The following GPC5 variants were observed in gnomAD, a reference collection of about 807,000 sequenced individuals.
The protein encoded by GPC5 is glypican 5, also known as glypican-5.
In GPC5, 47 loss-of-function variants were observed where a neutral mutation model predicts 53.9. The ratio of observed to expected loss-of-function variants is 0.87; its 90% CI spans 0.69 to 1.11. The LOEUF (loss-of-function observed/expected upper bound fraction) is 1.11, where lower values mean the gene tolerates loss of function less well. Among genes scored for constraint, GPC5 ranks in the 50% most tolerant of loss-of-function variants. GPC5 has a pLI of 0.00. For missense variants in GPC5, 748 were observed against 713.1 expected, an observed-to-expected ratio of 1.05 and a Z score of -0.56; for synonymous variants, 286 against 263.3, an observed-to-expected ratio of 1.09 and a Z score of -0.84.
intron 7 of GPC5, among the ~76,000 whole-genome samples, chr13:92,332,348 A>G: frequency 6.6e-6 from 1 of 152,122 alleles, no homozygotes. Context: ...TCTGTTTTTT[A>G]CCTACAAGTG....
chr13:91,485,541 C>T (rs1346824241), intron 2 of GPC5, among the ~76,000 whole-genome samples: 1 of 151,994 alleles, frequency 6.6e-6, no homozygotes, highest in African/African-American at 2.4e-5. Flanking sequence ...TTTATATATT[C>T]TTTTTAAACA....
chr13:92,642,096 T>C (rs550392022), intron 7 of GPC5, among the ~76,000 whole-genome samples: 136 of 152,254 alleles, frequency 8.9e-4, no homozygotes, highest in Non-Finnish European at 1.6e-3. Context: ...GGGATTGTAA[T>C]ATAATGTAGG....
chr13:91,628,128 G>A (rs952077809), intron 2 of GPC5, among the ~76,000 whole-genome samples: 1 of 152,044 alleles, frequency 6.6e-6, no homozygotes. Context: ...ATTTGTTTTG[G>A]TGTTAATGTT....
intron 6 of GPC5, among the ~76,000 whole-genome samples, chr13:91,923,844 C>G (rs969326726): frequency 1.3e-5 from 2 of 152,004 alleles, no homozygotes; most frequent in African/African-American, 2.4e-5. Context: ...TTTCTCTTAG[C>G]CTTATAAAAG....
At chr13:91,501,666 T>C (rs1884645297) in intron 2 of GPC5, among the ~76,000 whole-genome samples, 1 of 152,228 alleles carries the variant, frequency 6.6e-6, no homozygotes. Context: ...TTGGGTTGGT[T>C]CCAAGTCTTT....
intron 2 of GPC5, among the ~76,000 whole-genome samples, chr13:91,551,707 G>T (rs1566497542): frequency 6.6e-6 from 1 of 152,006 alleles, no homozygotes; most frequent in Non-Finnish European, 1.5e-5. Flanking sequence ...TGTTTGTTCT[G>T]CAGAGACATC....
chr13:92,482,932 C>T (rs1199776865), intron 7 of GPC5, among the ~76,000 whole-genome samples: 1 of 152,100 alleles, frequency 6.6e-6, no homozygotes, highest in Non-Finnish European at 1.5e-5. Context: ...TTAATGGACT[C>T]CCAGTTCCAC....
At chr13:92,290,889 G>A (rs1485328183) in intron 7 of GPC5, among the ~76,000 whole-genome samples, 2 of 152,144 alleles carry the variant, frequency 1.3e-5, no homozygotes, top group Non-Finnish European at 2.9e-5. Context: ...GGTGTGGAGG[G>A]AGAGGCGCTG....
intron 6 of GPC5, among the ~76,000 whole-genome samples, chr13:92,011,109 A>G (rs2040657538): frequency 6.6e-6 from 1 of 152,200 alleles, no homozygotes. Flanking sequence ...ATATGTGTAG[A>G]TAACTATATA....
intron 7 of GPC5, among the ~76,000 whole-genome samples, chr13:92,557,963 A>G (rs924293367): frequency 6.6e-6 from 1 of 152,012 alleles, no homozygotes; most frequent in Non-Finnish European, 1.5e-5. Context: ...GAGAAATTAA[A>G]TTACATTCTA....
Position 91,571,822 on chromosome 13 carries a change from T to TGTGTACACACAC in GPC5, c.326-121365_326-121364insGTGTACACACAC, listed in dbSNP as rs2031820745. ...ATATATACACACACATACGTGTGTG[T>TGTGTACACACAC]ATATATACACATATACTTGTGTGTA... is the stretch of plus-strand genomic sequence containing the variant. On this transcript the variant is annotated intron_variant, in intron 2 of 7. Coordinates refer to ENST00000377067, the MANE Select transcript of GPC5 (RefSeq NM_004466.6). Among the ~76,000 whole-genome samples the TGTGTACACACAC allele has an allele frequency of 1.8e-4, 17 of 94,836 alleles. 1 individual carries two copies. Among genetic ancestry groups the TGTGTACACACAC allele is most frequent in the Admixed American group, 1.6e-3 (17 of 10,476 alleles). 62.2% of individuals were successfully genotyped at this position (94,836 alleles called of 152,430 possible). A position where few individuals can be genotyped will look rare whatever the true frequency, so the allele number is the denominator to read the frequency against.
rs1456508077 is a variant in GPC5, at chr13:92,430,443, A to G, written c.1561+285454A>G. Among the ~76,000 whole-genome samples the G allele has an allele frequency of 2.6e-5, 4 of 152,262 alleles. No individual in the cohort carries two copies. In the East Asian group the frequency reaches 5.8e-4, roughly 22 times the overall value. ...GCAGTAACGAAACTCTTCAGAGTCA[A>G]TCTCAATGAAGTTATTTGAGAATTA... On this transcript the variant is annotated intron_variant, in intron 7 of 7. Transcript: ENST00000377067.
chr13:92,613,432 A>C (rs1264744048), intron 7 of GPC5, among the ~76,000 whole-genome samples: 1 of 11,854 alleles, frequency 8.4e-5, no homozygotes, highest in African/African-American at 2.3e-4. Context: ...ATATATATTT[A>C]TATATAAATA....
chr13:91,963,289 A>G (rs2040143761), intron 6 of GPC5, among the ~76,000 whole-genome samples: 2 of 152,174 alleles, frequency 1.3e-5, no homozygotes, highest in Non-Finnish European at 2.9e-5. Context: ...AAGCAAGGTG[A>G]CAAAGTTTAG....
intron 7 of GPC5, among the ~76,000 whole-genome samples, chr13:92,187,515 A>G (rs1311962112): frequency 2.6e-5 from 4 of 152,168 alleles, no homozygotes; most frequent in Non-Finnish European, 5.9e-5. Context: ...CTGTATTTCC[A>G]TACTGGATTC....
intron 2 of GPC5, among the ~76,000 whole-genome samples, chr13:91,490,217 G>A (rs138292603): frequency 3.9e-5 from 6 of 152,242 alleles, no homozygotes; most frequent in South Asian, 2.1e-4. Flanking sequence ...GATGATGGAT[G>A]GAAATAGAAT....
At chr13:91,956,837 A>C (rs1210123113) in intron 6 of GPC5, among the ~76,000 whole-genome samples, 1 of 152,200 alleles carries the variant, frequency 6.6e-6, no homozygotes, top group Admixed American at 6.5e-5. Context: ...TTCCCTGTGA[A>C]AGCAAATTTT....
chr13:92,846,504 AATCCTACCTGGC>A (rs1391069616), intron 7 of GPC5, among the ~76,000 whole-genome samples: 1 of 152,168 alleles, frequency 6.6e-6, no homozygotes, highest in African/African-American at 2.4e-5. Context: ...TGATTTTTGC[AATCCTACCTGGC>A]ATCCACAATC....
At chr13:92,523,045 A>C (rs919625592) in intron 7 of GPC5, among the ~76,000 whole-genome samples, 4 of 152,156 alleles carry the variant, frequency 2.6e-5, no homozygotes, top group Non-Finnish European at 5.9e-5. Flanking sequence ...TACGACAATA[A>C]TTTGTGGCAG....
Sources: allele counts gnomAD v4.1 joint callset (sites outside exome capture counted in the v4.1 genomes callset), GRCh38; gene constraint gnomAD v4.1.1; transcripts MANE v1.5; gene names NCBI Gene and HGNC (gene_info 2026-07-23, HGNC 2026-07-21).